The following UMODL1 variants were observed in gnomAD, a reference collection of about 807,000 sequenced individuals.
UMODL1 encodes the protein uromodulin like 1.
In UMODL1, 128 loss-of-function variants were observed where a neutral mutation model predicts 136.3. The ratio of observed to expected loss-of-function variants is 0.94; its 90% CI spans 0.81 to 1.09. The LOEUF is 1.09. Ranked by LOEUF, UMODL1 falls within the 50% of genes least tolerant of loss-of-function variation. UMODL1 has a pLI of 0.00. For missense variants in UMODL1, 1,766 were observed against 1,725.6 expected (o/e 1.02, Z -0.41); for synonymous variants, 721 against 720.0 (o/e 1.00, Z -0.02).
intron 2 of UMODL1, among the ~76,000 whole-genome samples, chr21:42,081,023 C>T (rs551110188): frequency 1.3e-5 from 2 of 152,324 alleles, no homozygotes; most frequent in South Asian, 2.1e-4. Flanking sequence ...TTGGATTATG[C>T]GCTGAGGATG....
At chr21:42,102,136 C>T (rs748316460) in intron 7 of UMODL1, 30 bp from the exon 8 acceptor site, 2 of 1,542,422 alleles carry the variant, frequency 1.3e-6, no homozygotes, top group Non-Finnish European at 8.9e-7. Context: ...CTTTTGACCA[C>T]AGGCTAATTT....
chr21:42,127,922 G>C, intron 20 of UMODL1, 91 bp downstream of exon 20: 1 of 1,557,892 alleles, frequency 6.4e-7, no homozygotes, highest in Non-Finnish European at 8.8e-7. Context: ...CCTAGGGCTC[G>C]AGTGGCTCGG....
At chr21:42,094,367 G>A (rs891139980) in intron 6 of UMODL1, among the ~76,000 whole-genome samples, 1 of 152,230 alleles carries the variant, frequency 6.6e-6, no homozygotes, top group Non-Finnish European at 1.5e-5. Flanking sequence ...AAGAAACAAG[G>A]GCCAGACTGT....
chr21:42,116,598 G>T (rs1472093202), intron 14 of UMODL1, among the ~76,000 whole-genome samples: 1 of 151,438 alleles, frequency 6.6e-6, no homozygotes, highest in Non-Finnish European at 1.5e-5. Context: ...AACCTATGAA[G>T]CAGAAAGTCC....
intron 13 of UMODL1, among the ~76,000 whole-genome samples, chr21:42,115,162 G>T (rs574888573): frequency 3.9e-5 from 6 of 152,220 alleles, no homozygotes; most frequent in Admixed American, 6.5e-5. Context: ...TGCCTCTGGC[G>T]CATGGCAGGC....
intron 2 of UMODL1, among the ~76,000 whole-genome samples, chr21:42,080,281 G>A (rs771262698): frequency 5.3e-5 from 8 of 152,192 alleles, no homozygotes; most frequent in Non-Finnish European, 1.0e-4. Context: ...AGCAGGGCCC[G>A]AAGCTGGACC....
At position 42,122,939 on chromosome 21, in the gene UMODL1, T is replaced by C. The variant is rs775053240; in HGVS notation, c.2936T>C (p.Leu979Pro). The change falls in exon 17 of 23, where the codon CTG (leucine) becomes CCG (proline). Residue 979 changes from leucine (L) to proline (P), a missense_variant. Leu to Pro is a moderately conservative substitution (Grantham distance 98, BLOSUM62 -3). Transcript: ENST00000408910. The surrounding 1 kb of genome is among the most constrained non-coding windows in gnomAD (Gnocchi z 4.3). ...VQGTSPTPQG[L>P]PQRLNLTGAV... ...GGCACCAGCCCCACCCCCCAAGGCCTGCCCCAGCGGCTGAACCTGACCGGA... is the reference window on the plus strand; with the variant it reads ...GGCACCAGCCCCACCCCCCAAGGCCCGCCCCAGCGGCTGAACCTGACCGGA... 1 of 1,613,994 alleles carries C rather than the reference T, an allele frequency of 6.2e-7. No homozygotes were observed. The highest frequency in any genetic ancestry group is 8.5e-7 in the Non-Finnish European group (1 of 1,180,022).
At position 42,110,985 on chromosome 21, in the gene UMODL1, T is replaced by C. The variant is rs1244595431; in HGVS notation, c.1763T>C (p.Leu588Ser). 1 of 1,612,974 alleles carries C rather than the reference T, an allele frequency of 6.2e-7. No individual in the cohort carries two copies. The highest frequency in any genetic ancestry group is 1.7e-5 in the Admixed American group (1 of 59,898). The change falls in exon 11 of 23, where the codon TTG becomes TCG. Residue 588 changes from leucine to serine, a missense_variant. Leu to Ser is a moderately radical substitution (Grantham distance 145, BLOSUM62 -2). Coordinates refer to ENST00000408910, the MANE Select transcript of UMODL1 (RefSeq NM_001004416.3). ...TAALGLENFT[L>S]SPSPGYPQGT... ...GCCCTCGGCCTAGAGAACTTCACCT[T>C]GTCACCCAGTCCTGGGTACCCTCAG...
chr21:42,109,912 G>A (rs8128088), intron 10 of UMODL1, among the ~76,000 whole-genome samples: 19 of 152,334 alleles, frequency 1.2e-4, no homozygotes, highest in African/African-American at 4.1e-4. Context: ...ATCTAGCTTG[G>A]ATTACACTCA....
chr21:42,068,855 G>A (rs764069640), upstream of UMODL1, among the ~76,000 whole-genome samples: 9 of 152,190 alleles, frequency 5.9e-5, no homozygotes, highest in Admixed American at 1.3e-4. This position sits in a 1 kb window ranked among gnomAD's most constrained non-coding sequence, Gnocchi z 5.5. Flanking sequence ...CAGTGTGAGC[G>A]CATGTATGTG....
chr21:42,140,568 C>T (rs1373055666), intron 22 of UMODL1, among the ~76,000 whole-genome samples: 2 of 152,164 alleles, frequency 1.3e-5, no homozygotes, highest in African/African-American at 2.4e-5. Flanking sequence ...CTGATGGACC[C>T]TTAGAACAAT....
At chr21:42,135,528 C>T (rs781779812) in intron 21 of UMODL1, among the ~76,000 whole-genome samples, 3 of 152,156 alleles carry the variant, frequency 2.0e-5, no homozygotes, top group African/African-American at 4.8e-5. Flanking sequence ...CCAGCAGGAG[C>T]GGGTCTCCTT....
Position 42,123,120 on chromosome 21 carries a change from C to A in UMODL1, c.3117C>A (p.Gly1039=). The change falls in exon 17 of 23, where the codon GGC becomes GGA. Residue 1039 remains glycine, a synonymous_variant. Transcript: ENST00000408910. This position sits in a 1 kb window ranked among gnomAD's most constrained non-coding sequence, Gnocchi z 4.4. ...GCACACACGTGCTCCTGGAGGCCGG[C>A]TGGAGCGAGTGTGGGACCCTCATGC... ...SNGTHVLLEA[G]WSECGTLMQS... The A allele has an allele frequency of 6.2e-7, 1 of 1,613,722 alleles. No homozygotes were observed. Among genetic ancestry groups the A allele is most frequent in the Non-Finnish European group, 8.5e-7 (1 of 1,179,776 alleles).
chr21:42,064,628 C>T (rs933753801), intron 1 of UMODL1, among the ~76,000 whole-genome samples: 3 of 150,394 alleles, frequency 2.0e-5, no homozygotes, highest in African/African-American at 4.9e-5. Flanking sequence ...GTGATCTCGG[C>T]GCACTGCAAC....
At chr21:42,130,240 G>A (rs1490067466) in intron 21 of UMODL1, among the ~76,000 whole-genome samples, 1 of 151,108 alleles carries the variant, frequency 6.6e-6, no homozygotes, top group Non-Finnish European at 1.5e-5. Flanking sequence ...GTGTGTGTGT[G>A]TGTGTGCGTG....
chr21:42,067,536 C>T (rs372912305), upstream of UMODL1, among the ~76,000 whole-genome samples: 6 of 152,202 alleles, frequency 3.9e-5, no homozygotes, highest in East Asian at 1.9e-4. Flanking sequence ...GTTGGCAGAA[C>T]GAGGACTGGA....
intron 14 of UMODL1, among the ~76,000 whole-genome samples, chr21:42,118,479 G>A (rs2066926686): frequency 6.6e-6 from 1 of 152,226 alleles, no homozygotes; most frequent in South Asian, 2.1e-4. Context: ...ACCATGATGG[G>A]TTAGCATGGA....
intron 20 of UMODL1, among the ~76,000 whole-genome samples, chr21:42,128,454 G>A (rs1220538308): frequency 2.0e-5 from 3 of 152,234 alleles, no homozygotes; most frequent in South Asian, 2.1e-4. Flanking sequence ...CTCAGTGACC[G>A]AATGCTTCTC....
intron 21 of UMODL1, among the ~76,000 whole-genome samples, chr21:42,132,489 C>T (rs61278981): frequency 0.054 from 8,270 of 151,990 alleles, 351 homozygotes; most frequent in East Asian, 0.23. Context: ...ATCATCCATT[C>T]GTCCATCTAT....
Sources: allele counts gnomAD v4.1 joint callset (sites outside exome capture counted in the v4.1 genomes callset), GRCh38; gene constraint gnomAD v4.1.1; non-coding constraint Gnocchi (gnomAD v3.1); transcripts MANE v1.5; gene names NCBI Gene and HGNC (gene_info 2026-07-23, HGNC 2026-07-21).